DNAJC1: variants seen among roughly 807,000 people sequenced by gnomAD.
The protein encoded by DNAJC1 is DnaJ heat shock protein family (Hsp40) member C1.
A neutral mutation model predicts 76.6 loss-of-function variants in DNAJC1; 58 were observed. That is an observed-to-expected ratio of 0.76 (90% CI 0.61 to 0.94). The LOEUF is 0.94. Among genes scored for constraint, DNAJC1 ranks in the 40% least tolerant of loss-of-function variants. DNAJC1 has a pLI of 0.00. For synonymous variants in DNAJC1, 258 were observed against 267.9 expected (o/e 0.96, Z 0.36); for missense variants, 689 against 677.3 (o/e 1.02, Z -0.19).
chr10:21,840,083 G>C (rs904765127), intron 8 of DNAJC1, among the ~76,000 whole-genome samples: 1 of 152,122 alleles, frequency 6.6e-6, no homozygotes, highest in Non-Finnish European at 1.5e-5. Flanking sequence ...AATAAATTAG[G>C]TATTGATGGG....
chr10:21,870,569 T>C (rs1836086412), intron 8 of DNAJC1, among the ~76,000 whole-genome samples: 1 of 151,738 alleles, frequency 6.6e-6, no homozygotes, highest in Non-Finnish European at 1.5e-5. Flanking sequence ...AGCCCAAGAG[T>C]TGGAGACGAG....
chr10:21,952,603 A>T (rs1837617409), intron 1 of DNAJC1, among the ~76,000 whole-genome samples: 1 of 152,210 alleles, frequency 6.6e-6, no homozygotes. Context: ...CTAAAAAAAT[A>T]CAAAAATTAT....
intron 1 of DNAJC1, among the ~76,000 whole-genome samples, chr10:21,987,288 T>A (rs1202110444): frequency 6.6e-6 from 1 of 152,204 alleles, no homozygotes; most frequent in Non-Finnish European, 1.5e-5. Context: ...TATAGCCACA[T>A]GTGGCTATAG....
chr10:21,827,654 G>A (rs1056932775), intron 8 of DNAJC1, among the ~76,000 whole-genome samples: 2 of 152,092 alleles, frequency 1.3e-5, no homozygotes, highest in East Asian at 3.9e-4. Flanking sequence ...GCTTCTGTGT[G>A]ACTTCTCTTT....
At chr10:21,762,574 C>A (rs1834254362) in intron 10 of DNAJC1, among the ~76,000 whole-genome samples, 1 of 152,216 alleles carries the variant, frequency 6.6e-6, no homozygotes, top group Non-Finnish European at 1.5e-5. Flanking sequence ...AAATCTTCCC[C>A]AAGCCAATCA....
At chr10:21,788,868 C>T (rs1834645629) in intron 9 of DNAJC1, among the ~76,000 whole-genome samples, 1 of 152,192 alleles carries the variant, frequency 6.6e-6, no homozygotes, top group Admixed American at 6.5e-5. Context: ...ATCACAGCTA[C>T]AACCTGACCT....
intron 6 of DNAJC1, among the ~76,000 whole-genome samples, chr10:21,906,256 G>A (rs1836744188): frequency 6.6e-6 from 1 of 152,064 alleles, no homozygotes; most frequent in African/African-American, 2.4e-5. Context: ...GAAGAGCACA[G>A]ATGGCCATGC....
At chr10:21,769,345 T>C (rs924144645) in intron 9 of DNAJC1, among the ~76,000 whole-genome samples, 1 of 152,178 alleles carries the variant, frequency 6.6e-6, no homozygotes, top group African/African-American at 2.4e-5. Context: ...TCTAAATAAA[T>C]TGTGTGTGTG....
intron 7 of DNAJC1, among the ~76,000 whole-genome samples, chr10:21,885,960 G>C (rs577654535): frequency 6.6e-6 from 1 of 152,084 alleles, no homozygotes; most frequent in Non-Finnish European, 1.5e-5. Flanking sequence ...TGCAAAGATA[G>C]CAGGAGACAA....
intron 9 of DNAJC1, among the ~76,000 whole-genome samples, chr10:21,789,327 T>C (rs556852502): frequency 6.6e-6 from 1 of 152,292 alleles, no homozygotes; most frequent in East Asian, 1.9e-4. Flanking sequence ...TGGAAAGAGT[T>C]ACCATCCACT....
At chr10:21,841,897 C>T (rs1404480161) in intron 8 of DNAJC1, among the ~76,000 whole-genome samples, 6 of 151,978 alleles carry the variant, frequency 3.9e-5, no homozygotes, top group Admixed American at 3.9e-4. Context: ...CATATATACA[C>T]CATGGAATAC....
chr10:21,905,721 A>G (rs889847329), intron 6 of DNAJC1, among the ~76,000 whole-genome samples: 1 of 152,206 alleles, frequency 6.6e-6, no homozygotes, highest in Non-Finnish European at 1.5e-5. Context: ...TAAAGCAGGT[A>G]CTCAATAAGT....
intron 6 of DNAJC1, among the ~76,000 whole-genome samples, chr10:21,912,157 T>C (rs1029382717): frequency 4.6e-5 from 7 of 152,118 alleles, no homozygotes; most frequent in Non-Finnish European, 8.8e-5. Context: ...CGAAATTTAT[T>C]CTTTTTTAGT....
At chr10:21,812,616 G>A (rs1237722298) in intron 8 of DNAJC1, among the ~76,000 whole-genome samples, 1 of 151,872 alleles carries the variant, frequency 6.6e-6, no homozygotes, top group Non-Finnish European at 1.5e-5. Context: ...TGCCCAGGCT[G>A]GAGCACAGTG....
intron 9 of DNAJC1, among the ~76,000 whole-genome samples, chr10:21,800,966 A>G (rs918649403): frequency 6.6e-6 from 1 of 152,188 alleles, no homozygotes; most frequent in African/African-American, 2.4e-5. Context: ...AACCAGAGGT[A>G]AAAACATATA....
chr10:21,982,196 A>T (rs1838169477), intron 1 of DNAJC1, among the ~76,000 whole-genome samples: 1 of 152,182 alleles, frequency 6.6e-6, no homozygotes, highest in African/African-American at 2.4e-5. Context: ...TTACTGCTTT[A>T]ACTACTGTCA....
chr10:21,873,716 A>G (rs930657276), intron 8 of DNAJC1, among the ~76,000 whole-genome samples: 1 of 152,112 alleles, frequency 6.6e-6, no homozygotes, highest in Non-Finnish European at 1.5e-5. Flanking sequence ...AGTGGAAAAG[A>G]CACTATAAAG....
At chr10:21,941,130 G>T (rs1310714712) in intron 1 of DNAJC1, among the ~76,000 whole-genome samples, 1 of 149,704 alleles carries the variant, frequency 6.7e-6, no homozygotes, top group Non-Finnish European at 1.5e-5. Flanking sequence ...TTAGCCAGGC[G>T]TGGTGGCAGG....
At chr10:21,874,295 T>C (rs867095797) in intron 8 of DNAJC1, among the ~76,000 whole-genome samples, 2 of 152,076 alleles carry the variant, frequency 1.3e-5, no homozygotes, top group South Asian at 2.1e-4. Flanking sequence ...ACGTGTGTAG[T>C]CCTAGCTACT....
Sources: gnomAD v4.1 joint callset for allele counts (sites outside exome capture counted in the v4.1 genomes callset) on GRCh38, gnomAD v4.1.1 for gene constraint, MANE v1.5 for transcripts, NCBI Gene and HGNC (gene_info 2026-07-23, HGNC 2026-07-21) for gene names.